The following TAB2 variants were observed in gnomAD, a reference collection of about 807,000 sequenced individuals.
TAB2 encodes the protein TGF-beta activated kinase 1 (MAP3K7) binding protein 2.
Under a neutral mutation model 65.0 loss-of-function variants are expected in TAB2, and 3 were observed. That is an observed-to-expected ratio of 0.05 (90% CI 0.02 to 0.12). The LOEUF (loss-of-function observed/expected upper bound fraction) is 0.12. Ranked by LOEUF, TAB2 falls within the 10% of genes least tolerant of loss-of-function variation. The pLI, the probability that TAB2 is intolerant of heterozygous loss-of-function variation, is 1.00. For missense variants in TAB2, 623 were observed against 840.3 expected, an observed-to-expected ratio of 0.74 and a Z score of 3.20; for synonymous variants, 298 against 285.1, an observed-to-expected ratio of 1.05 and a Z score of -0.46.
intron 1 of TAB2, chr6:149,255,100 A>G (rs947772866): frequency 1.3e-5 from 2 of 152,246 alleles, no homozygotes; most frequent in Non-Finnish European, 2.9e-5. Context: ...TCCATGTTGA[A>G]GCCCTAACCC....
In TAB2 at chr6:149,324,959, G is replaced by C. The variant is rs144670441; in HGVS notation, c.-90+6944G>C. 5.0e-3 allele frequency among the ~76,000 whole-genome samples: 758 copies of C among 151,348 alleles called. 7 individuals carry two copies. Among genetic ancestry groups the C allele is most frequent in the African/African-American group, 0.018 (733 of 41,174 alleles). The stretch of plus-strand genomic sequence containing the variant: ...CTACAAGTGTGCGCAACTACATCCA[G>C]CTGATTTCTAAAAATTTTTTATAGA... On this transcript the variant is annotated intron_variant, in intron 1 of 6. Transcript: ENST00000637181.
At chr6:149,311,172 C>T (rs1349398003) in intron 1 of TAB2, among the ~76,000 whole-genome samples, 2 of 152,212 alleles carry the variant, frequency 1.3e-5, no homozygotes, top group Non-Finnish European at 2.9e-5. Flanking sequence ...TTGTCTCCCA[C>T]CACTATCCTA....
At chr6:149,271,779 T>C (rs576614686) in intron 1 of TAB2, among the ~76,000 whole-genome samples, 46 of 152,260 alleles carry the variant, frequency 3.0e-4, no homozygotes, top group Non-Finnish European at 5.7e-4. Flanking sequence ...AAATCAGATC[T>C]TCTTACTCAT....
intron 1 of TAB2, among the ~76,000 whole-genome samples, chr6:149,262,185 C>T (rs1778167049): frequency 1.3e-5 from 2 of 152,200 alleles, no homozygotes; most frequent in South Asian, 4.1e-4. Context: ...GATAGCCACA[C>T]TCCTATACCA....
chr6:149,230,937 A>G (rs887606598), intron 1 of TAB2, among the ~76,000 whole-genome samples: 2 of 152,210 alleles, frequency 1.3e-5, no homozygotes, highest in African/African-American at 4.8e-5. Flanking sequence ...TGTTTTGTGC[A>G]TTCACAGTCC....
intron 1 of TAB2, among the ~76,000 whole-genome samples, chr6:149,334,470 G>A (rs1055724809): frequency 2.0e-5 from 3 of 152,100 alleles, no homozygotes; most frequent in Non-Finnish European, 4.4e-5. Flanking sequence ...GCTGAAGCCA[G>A]GAGTTTGAGA....
chr6:149,319,332 G>T (rs1779360892), intron 1 of TAB2, among the ~76,000 whole-genome samples: 1 of 152,076 alleles, frequency 6.6e-6, no homozygotes, highest in African/African-American at 2.4e-5. Flanking sequence ...TACATTCTTT[G>T]TAACAATGAA....
At chr6:149,368,670 T>TGTGA (rs1554262508) in intron 1 of TAB2, among the ~76,000 whole-genome samples, 1 of 151,978 alleles carries the variant, frequency 6.6e-6, no homozygotes, top group Non-Finnish European at 1.5e-5. Flanking sequence ...TGTGTGTGTG[T>TGTGA]GTGTGTGTGT....
chr6:149,246,808 A>G (rs1038505085), intron 1 of TAB2: 1 of 152,232 alleles, frequency 6.6e-6, no homozygotes, highest in Non-Finnish European at 1.5e-5. Context: ...CTGGGACTAC[A>G]GATGCACCAC....
Position 149,406,674 on chromosome 6 carries a change from C to A in TAB2, c.1940-2903C>A, listed in dbSNP as rs1028445133. 2.0e-5 allele frequency among the ~76,000 whole-genome samples: 3 copies of A among 152,100 alleles called. No individual in the cohort carries two copies. The East Asian group carries it at 5.8e-4, about 29-fold the overall frequency. ...AATTTTCACATTCTCCTTTCACATT[C>A]TAATTTTTGTACTCTACTTCATTTT... On this transcript the variant is annotated intron_variant, in intron 6 of 6. Transcript: ENST00000637181.
chr6:149,283,340 G>A (rs1375945526), intron 1 of TAB2, among the ~76,000 whole-genome samples: 3 of 152,204 alleles, frequency 2.0e-5, no homozygotes, highest in Admixed American at 2.0e-4. Context: ...TGATATGACA[G>A]GAAGTCAATT....
intron 1 of TAB2, among the ~76,000 whole-genome samples, chr6:149,307,868 C>T (rs1409579435): frequency 6.6e-6 from 1 of 152,124 alleles, no homozygotes. Flanking sequence ...ATTTTACCAC[C>T]CCAAAGCACT....
chr6:149,389,073 A>T (rs1781897055), intron 3 of TAB2, among the ~76,000 whole-genome samples: 2 of 149,634 alleles, frequency 1.3e-5, no homozygotes, highest in Non-Finnish European at 3.0e-5. Flanking sequence ...CCCCTGCCTC[A>T]GCCTCCCCAG....
intron 1 of TAB2, among the ~76,000 whole-genome samples, chr6:149,296,841 C>T (rs1778885164): frequency 6.6e-6 from 1 of 152,130 alleles, no homozygotes; most frequent in Non-Finnish European, 1.5e-5. Flanking sequence ...AATTGGTAGC[C>T]TGGCATTGAA....
chr6:149,369,323 A>G (rs1781142436), intron 1 of TAB2, among the ~76,000 whole-genome samples: 1 of 152,198 alleles, frequency 6.6e-6, no homozygotes, highest in South Asian at 2.1e-4. Context: ...AGCCAATTAA[A>G]TCAAACCCCT....
chr6:149,269,466 C>T (rs1262325222), intron 1 of TAB2, among the ~76,000 whole-genome samples: 1 of 152,008 alleles, frequency 6.6e-6, no homozygotes, highest in Admixed American at 6.6e-5. Flanking sequence ...TAGATTTTTA[C>T]CCTTTTTATT....
At chr6:149,295,926 T>C (rs891277191) in intron 1 of TAB2, among the ~76,000 whole-genome samples, 1 of 152,050 alleles carries the variant, frequency 6.6e-6, no homozygotes, top group African/African-American at 2.4e-5. Flanking sequence ...CGCATACTAC[T>C]ACACCCGGCT....
chr6:149,273,963 G>A (rs1053150041), intron 1 of TAB2, among the ~76,000 whole-genome samples: 1 of 152,208 alleles, frequency 6.6e-6, no homozygotes, highest in African/African-American at 2.4e-5. Context: ...CTGCTACTTA[G>A]TATAGCAAGA....
At chr6:149,340,365 A>G (rs1780076407) in intron 1 of TAB2, among the ~76,000 whole-genome samples, 1 of 152,216 alleles carries the variant, frequency 6.6e-6, no homozygotes, top group African/African-American at 2.4e-5. Context: ...AGTAACGTCA[A>G]GCTAGTACAA....
Sources: gnomAD v4.1 joint callset for allele counts (sites outside exome capture counted in the v4.1 genomes callset) on GRCh38, gnomAD v4.1.1 for gene constraint, MANE v1.5 for transcripts, NCBI Gene and HGNC (gene_info 2026-07-23, HGNC 2026-07-21) for gene names.